Variants in MYO7B observed in about 807,000 individuals in gnomAD.
The protein encoded by MYO7B is myosin VIIB, also known as unconventional myosin-VIIb.
Under a neutral mutation model 259.7 loss-of-function variants are expected in MYO7B, and 212 were observed. The ratio of observed to expected loss-of-function variants is 0.82; its 90% CI spans 0.73 to 0.91. The LOEUF (loss-of-function observed/expected upper bound fraction) is 0.91, where lower values mean the gene tolerates loss of function less well. Ranked by LOEUF, MYO7B falls within the 40% of genes least tolerant of loss-of-function variation. The pLI, the probability that MYO7B is intolerant of heterozygous loss-of-function variation, is 0.00. For missense variants in MYO7B, 2,732 were observed against 2,813.5 expected (o/e 0.97, Z 0.66); for synonymous variants, 1,197 against 1,166.4 (o/e 1.03, Z -0.54).
chr2:127,636,902 G>A lies in MYO7B; in HGVS notation c.6316G>A (p.Glu2106Lys), dbSNP rs371622372. The stretch of plus-strand genomic sequence containing the variant: ...GGGCCGTGGCAGCCGCCTGCTGTGC[G>A]AGACCTCCCTGGTGAGCTCAGGTTC... ...SLGRGSRLLC[E>K]TSLGYKMDDL... The change falls in exon 47 of 48, where the codon GAG becomes AAG. Residue 2106 changes from glutamate to lysine, a missense_variant. This residue lies in a region of MYO7B where 821 missense variants were observed against 769.3 expected (regional missense o/e 1.07). Coordinates refer to ENST00000409816, the MANE Select transcript of MYO7B (RefSeq NM_001393586.1). The surrounding 1 kb of genome is among the most constrained non-coding windows in gnomAD (Gnocchi z 4.5). 2.0e-5 allele frequency: 32 copies of A among 1,612,550 alleles called. No homozygotes were observed. Among genetic ancestry groups the A allele is most frequent in the South Asian group, 1.1e-4 (10 of 91,094 alleles).
Position 127,590,183 on chromosome 2 carries a change from C to G in MYO7B, c.1946C>G (p.Pro649Arg), listed in dbSNP as rs549780382. The G allele has an allele frequency of 1.2e-6, 2 of 1,612,910 alleles. No individual in the cohort carries two copies. The highest frequency in any genetic ancestry group is 1.3e-5 in the African/African-American group (1 of 75,042). The change falls in exon 16 of 48, where the codon CCT (proline) becomes CGT (arginine). Residue 649 changes from proline (P) to arginine (R), a missense_variant. Physicochemically the swap from Pro to Arg is moderately radical, Grantham distance 103 (BLOSUM62 -2). Around this residue, in one of 3 missense-constraint regions of MYO7B, gnomAD observed 1,906 missense variants for 2,026.4 expected, o/e 0.94. Transcript: ENST00000409816. The surrounding 1 kb of genome is among the most constrained non-coding windows in gnomAD (Gnocchi z 4.6). ...QLMKILTNCQ[P>R]YFIRCIKPNE... ...ATGAAAATCCTGACCAACTGCCAGCCTTACTTCATCCGCTGCATCAAACCT... is the reference window on the plus strand; with the variant it reads ...ATGAAAATCCTGACCAACTGCCAGCGTTACTTCATCCGCTGCATCAAACCT...
In MYO7B at chr2:127,635,307, G is replaced by A. The variant is rs57536296; in HGVS notation, c.5820+81G>A. ...GTTCTGAGGCTGTAGAAGCCAGCAG[G>A]CCAGGGCAGGGCCAGCCTCAGCCCT... On this transcript the variant is annotated intron_variant, in intron 43 of 47. Coordinates refer to ENST00000409816, the MANE Select transcript of MYO7B (RefSeq NM_001393586.1). The A allele has an allele frequency of 1.7e-4, 238 of 1,361,466 alleles. 2 individuals are homozygous for A. In the East Asian group the frequency reaches 5.7e-3, roughly 33 times the overall value. 84.3% of individuals were successfully genotyped at this position (1,361,466 alleles called of 1,614,324 possible).
At chr2:127,549,969 A>C (rs145376605) in intron 1 of MYO7B, among the ~76,000 whole-genome samples, 2 of 152,266 alleles carry the variant, frequency 1.3e-5, no homozygotes, top group African/African-American at 4.8e-5. Flanking sequence ...TGCCAATTTT[A>C]TTCTCTCAGA....
chr2:127,543,825 A>G (rs982466571), intron 1 of MYO7B, among the ~76,000 whole-genome samples: 26 of 150,908 alleles, frequency 1.7e-4, no homozygotes, highest in African/African-American at 6.3e-4. Flanking sequence ...CCTCACCGCA[A>G]GCTCCCCCTG....
At chr2:127,569,668 G>A in intron 5 of MYO7B, 121 bp from the exon 6 acceptor site, 6 of 1,297,754 alleles carry the variant, frequency 4.6e-6, no homozygotes, top group South Asian at 1.6e-5. Flanking sequence ...ATTTCTGCAG[G>A]GGAGAGGCCA....
rs370863778 is a variant in MYO7B, at chr2:127,565,281, C to A, written c.181C>A (p.Pro61Thr). ...CTTTGGTGTCCTCAGTCCCATGCAC[C>A]CCAACTCAGTCCAGGGTGTGGACGA... Reference protein sequence around the residue: ...EDFGVLSPMHPNSVQGVDDMI... With the variant: ...EDFGVLSPMHTNSVQGVDDMI... The change falls in exon 4 of 48, where the codon CCC (proline) becomes ACC (threonine). Residue 61 changes from proline to threonine, a missense_variant. By Grantham distance (38) the Pro-to-Thr change is conservative (BLOSUM62 -1). Around this residue, in one of 3 missense-constraint regions of MYO7B, gnomAD observed 1,906 missense variants for 2,026.4 expected, o/e 0.94. Transcript: ENST00000409816. 1 of 1,613,876 alleles carries A rather than the reference C, an allele frequency of 6.2e-7. No individual in the cohort carries two copies. The highest frequency in any genetic ancestry group is 8.5e-7 in the Non-Finnish European group (1 of 1,179,894).
chr2:127,578,424 C>T (rs1678966927), intron 9 of MYO7B, 138 bp downstream of exon 9: 1 of 1,186,558 alleles, frequency 8.4e-7, no homozygotes, highest in South Asian at 1.5e-5. Context: ...CTAAAAAATT[C>T]AGCTGTGATT....
Position 127,637,298 on chromosome 2 carries a change from CCCCCGT to C in MYO7B, c.6328-13_6328-8del. On this transcript the variant is annotated splice_polypyrimidine_tract_variant and intron_variant, in intron 47 of 47. Transcript: ENST00000409816. ...CCCTCTGCACCCACAGCCTCTGACCCCCCCGTCCCCTGTCCAGGGCTATAAGATGGA... is the reference window on the plus strand; with the variant it reads ...CCCTCTGCACCCACAGCCTCTGACCCCCCCTGTCCAGGGCTATAAGATGGA... The C allele has an allele frequency of 6.7e-7, 1 of 1,488,524 alleles. No homozygotes were observed. The highest frequency in any genetic ancestry group is 8.9e-7 in the Non-Finnish European group (1 of 1,125,220). The allele number at this position is 1,488,524 out of a possible 1,614,324, so 92.2% of individuals were successfully genotyped here. A position where few individuals can be genotyped will look rare whatever the true frequency, so the allele number is the denominator to read the frequency against.
At chr2:127,624,925 G>A (rs1681030501) in intron 30 of MYO7B, among the ~76,000 whole-genome samples, 1 of 152,222 alleles carries the variant, frequency 6.6e-6, no homozygotes, top group Admixed American at 6.5e-5. Context: ...GCCTGGAAGA[G>A]GCATGGGCAG....
rs574377042 is a variant in MYO7B at position 127,611,059 on chromosome 2, C to G, written c.3192+1043C>G. Among the ~76,000 whole-genome samples, 1 of 152,224 alleles carries G rather than the reference C, an allele frequency of 6.6e-6. No homozygotes were observed. Among genetic ancestry groups the G allele is most frequent in the Non-Finnish European group, 1.5e-5 (1 of 68,044 alleles). ...CATGAGGTTGCTGTCAAGCTGTCCCCTGGGGATGGTGTCATCTGAAAGCTT... is the reference window on the plus strand; with the variant it reads ...CATGAGGTTGCTGTCAAGCTGTCCCGTGGGGATGGTGTCATCTGAAAGCTT... On this transcript the variant is annotated intron_variant, in intron 24 of 47. Transcript: ENST00000409816. This position sits in a 1 kb window ranked among gnomAD's most constrained non-coding sequence, Gnocchi z 5.4.
intron 1 of MYO7B, among the ~76,000 whole-genome samples, chr2:127,558,182 G>T (rs1257186196): frequency 6.6e-6 from 1 of 152,074 alleles, no homozygotes; most frequent in African/African-American, 2.4e-5. Flanking sequence ...CAAAAAGTGG[G>T]CTAAGGTTAT....
chr2:127,548,831 G>A (rs1478088879), intron 1 of MYO7B, among the ~76,000 whole-genome samples: 10 of 151,814 alleles, frequency 6.6e-5, no homozygotes, highest in Admixed American at 3.3e-4. Context: ...ATTTTTCTTC[G>A]GACTTACCTG....
intron 35 of MYO7B, among the ~76,000 whole-genome samples, chr2:127,630,439 T>TAGGC (rs1681408035): frequency 6.6e-6 from 1 of 152,124 alleles, no homozygotes; most frequent in Non-Finnish European, 1.5e-5. Context: ...GGTGGCAGAC[T>TAGGC]AGGCAGGCAG....
chr2:127,634,017 C>T (rs1681659286), intron 40 of MYO7B, among the ~76,000 whole-genome samples, 159 bp from the exon 41 acceptor site: 1 of 152,238 alleles, frequency 6.6e-6, no homozygotes, highest in Admixed American at 6.5e-5. Flanking sequence ...ACATGAACCT[C>T]TGGCCAGGGT....
intron 3 of MYO7B, among the ~76,000 whole-genome samples, 185 bp from the exon 4 acceptor site, chr2:127,565,048 T>C (rs1678271772): frequency 1.3e-5 from 2 of 152,188 alleles, no homozygotes; most frequent in South Asian, 4.1e-4. Context: ...GACCGGATCC[T>C]GCCACAGGAG....
At position 127,566,354 on chromosome 2, in the gene MYO7B, C is replaced by T. The variant is rs111407457; in HGVS notation, c.286-289C>T. 4.0e-3 allele frequency among the ~76,000 whole-genome samples: 608 copies of T among 152,330 alleles called. 4 individuals are homozygous for T. The highest frequency in any genetic ancestry group is 0.013 in the African/African-American group (560 of 41,568). On this transcript the variant is annotated intron_variant, in intron 4 of 47. Transcript: ENST00000409816. ...CATTTCATACTTAGTCCATTTTTAT[C>T]GAGCCCCTTCTAAATACCAGGCAGG...
rs755044896 is a variant in MYO7B, at chr2:127,585,670, G to A, written c.1690+757G>A. 1.3e-5 allele frequency among the ~76,000 whole-genome samples: 2 copies of A among 152,126 alleles called. No individual in the cohort carries two copies. Among genetic ancestry groups the A allele is most frequent in the Non-Finnish European group, 2.9e-5 (2 of 68,014 alleles). On this transcript the variant is annotated intron_variant, in intron 14 of 47. Coordinates refer to ENST00000409816, the MANE Select transcript of MYO7B (RefSeq NM_001393586.1). The surrounding 1 kb of genome is among the most constrained non-coding windows in gnomAD (Gnocchi z 4.3). ...GAACCACCAGACTGTTTTCCAAAGC[G>A]GCTGTATGATTTTACATTCCCACTA... is the stretch of plus-strand genomic sequence containing the variant.
At chr2:127,544,399 T>G (rs1213092240) in intron 1 of MYO7B, among the ~76,000 whole-genome samples, 1 of 152,012 alleles carries the variant, frequency 6.6e-6, no homozygotes, top group Non-Finnish European at 1.5e-5. Flanking sequence ...TTCATATAGT[T>G]CAACCTAACT....
At chr2:127,637,274 C>T (rs1681894560) in intron 47 of MYO7B, 42 bp from the exon 48 acceptor site, 4 of 1,454,858 alleles carry the variant, frequency 2.7e-6, no homozygotes, top group Middle Eastern at 1.7e-4. Context: ...CCCCACCTGC[C>T]CTCTGCACCC....
Sources: gnomAD v4.1 joint callset for allele counts (sites outside exome capture counted in the v4.1 genomes callset) on GRCh38, gnomAD v4.1.1 for gene constraint, gnomAD v4.1.1 regional missense constraint, Gnocchi (gnomAD v3.1) non-coding constraint, MANE v1.5 for transcripts, NCBI Gene and HGNC (gene_info 2026-07-23, HGNC 2026-07-21) for gene names.